The following MECOM variants were observed in gnomAD, a reference collection of about 807,000 sequenced individuals.
MECOM encodes histone-lysine N-methyltransferase MECOM.
In MECOM, 13 loss-of-function variants were observed where a neutral mutation model predicts 116.3. The observed-to-expected ratio is 0.11, with a 90% CI of 0.07 to 0.18. The LOEUF (loss-of-function observed/expected upper bound fraction) is 0.18. Among genes scored for constraint, MECOM ranks in the 10% least tolerant of loss-of-function variants. The pLI, the probability that MECOM is intolerant of heterozygous loss-of-function variation, is 1.00. For missense variants in MECOM, 1,299 were observed against 1,509.0 expected (o/e 0.86, Z 2.31); for synonymous variants, 528 against 535.2 (o/e 0.99, Z 0.19).
chr3:169,479,314 C>A (rs1474080473), intron 1 of MECOM, among the ~76,000 whole-genome samples: 3 of 150,606 alleles, frequency 2.0e-5, no homozygotes, highest in African/African-American at 7.4e-5. Context: ...AGATGAGCAG[C>A]AACAAGAAGG....
chr3:169,591,293 TTA>T (rs1272448874), intron 1 of MECOM, among the ~76,000 whole-genome samples: 2 of 152,186 alleles, frequency 1.3e-5, no homozygotes, highest in Middle Eastern at 3.2e-3. Flanking sequence ...GTAGTAAACT[TTA>T]TATTACTCCT....
chr3:169,522,423 C>T (rs1207015716), intron 1 of MECOM, among the ~76,000 whole-genome samples: 1 of 152,052 alleles, frequency 6.6e-6, no homozygotes, highest in African/African-American at 2.4e-5. Flanking sequence ...CAGTCTATAT[C>T]AGACCCATTA....
chr3:169,548,560 G>A (rs1165759023), intron 1 of MECOM, among the ~76,000 whole-genome samples: 1 of 152,194 alleles, frequency 6.6e-6, no homozygotes, highest in Non-Finnish European at 1.5e-5. Context: ...TAAACCTCCT[G>A]CAACATCTTC....
chr3:169,528,957 A>C (rs1758269880), intron 1 of MECOM, among the ~76,000 whole-genome samples: 1 of 152,250 alleles, frequency 6.6e-6, no homozygotes, highest in Admixed American at 6.5e-5. Flanking sequence ...CTCTTAAATA[A>C]ACAAAAACAC....
chr3:169,509,923 C>A (rs1256690149), intron 1 of MECOM, among the ~76,000 whole-genome samples: 1 of 152,236 alleles, frequency 6.6e-6, no homozygotes, highest in African/African-American at 2.4e-5. Context: ...CAGGCTTACG[C>A]ATCTCTTGAC....
intron 2 of MECOM, among the ~76,000 whole-genome samples, chr3:169,318,047 T>G (rs1720074870): frequency 6.6e-6 from 1 of 152,088 alleles, no homozygotes; most frequent in Non-Finnish European, 1.5e-5. Flanking sequence ...TAATAAATGG[T>G]GCTGGGAAAA....
Position 169,096,965 on chromosome 3 carries a change from GTTT to G in MECOM, c.2850-1723_2850-1721del, listed in dbSNP as rs10577272. Reference sequence around the variant, plus strand: ...TGGTAGTTGTAATATTTTAGCCCCAGTTTTTTTTTTTTTTAAATGCGTATAAAG... The same window carrying G: ...TGGTAGTTGTAATATTTTAGCCCCAGTTTTTTTTTTTAAATGCGTATAAAG... On this transcript the variant is annotated intron_variant, in intron 12 of 16. Coordinates refer to ENST00000651503, the MANE Select transcript of MECOM (RefSeq NM_004991.4). Among the ~76,000 whole-genome samples, 954 of 132,622 alleles carry G rather than the reference GTTT, an allele frequency of 7.2e-3. 8 individuals are homozygous for G. Among genetic ancestry groups the G allele is most frequent in the African/African-American group, 0.022 (826 of 38,128 alleles). 87.0% of individuals were successfully genotyped at this position (132,622 alleles called of 152,430 possible).
At chr3:169,419,136 C>T (rs184770599) in intron 1 of MECOM, among the ~76,000 whole-genome samples, 141 of 152,294 alleles carry the variant, frequency 9.3e-4, no homozygotes, top group African/African-American at 2.9e-3. Context: ...GAGTGAATGT[C>T]ATTCATAATT....
intron 2 of MECOM, among the ~76,000 whole-genome samples, chr3:169,312,921 C>T (rs1048234998): frequency 6.6e-6 from 1 of 151,928 alleles, no homozygotes; most frequent in Non-Finnish European, 1.5e-5. Flanking sequence ...TTTGAAACTG[C>T]GACATTGGAA....
intron 1 of MECOM, among the ~76,000 whole-genome samples, chr3:169,580,305 A>AT (rs1300728374): frequency 6.6e-6 from 1 of 152,034 alleles, no homozygotes; most frequent in African/African-American, 2.4e-5. Context: ...GATTTCTGAG[A>AT]TTTTGGTGGA....
chr3:169,540,043 C>T (rs965679507), intron 1 of MECOM, among the ~76,000 whole-genome samples: 2 of 152,146 alleles, frequency 1.3e-5, no homozygotes, highest in African/African-American at 4.8e-5. Flanking sequence ...GACTTCCGTC[C>T]TTATCACACT....
chr3:169,363,399 A>G (rs1018664781), intron 2 of MECOM, among the ~76,000 whole-genome samples: 2 of 151,946 alleles, frequency 1.3e-5, no homozygotes, highest in African/African-American at 2.4e-5. Flanking sequence ...ACTTAACTCC[A>G]TCGGCCAACA....
chr3:169,650,546 T>C, intron 1 of MECOM, among the ~76,000 whole-genome samples: 1 of 152,180 alleles, frequency 6.6e-6, no homozygotes, highest in East Asian at 1.9e-4. Flanking sequence ...AGACCTGGAA[T>C]AATCCTGTAA....
At chr3:169,273,105 A>C (rs1759148318) in intron 2 of MECOM, among the ~76,000 whole-genome samples, 1 of 152,162 alleles carries the variant, frequency 6.6e-6, no homozygotes, top group Non-Finnish European at 1.5e-5. Context: ...CAAGAGGAAG[A>C]GGAATGCATG....
At chr3:169,313,484 T>C (rs773467538) in intron 2 of MECOM, among the ~76,000 whole-genome samples, 3 of 152,142 alleles carry the variant, frequency 2.0e-5, no homozygotes, top group Non-Finnish European at 4.4e-5. Context: ...CTGAAGGATG[T>C]CTGCAGGAGG....
intron 1 of MECOM, among the ~76,000 whole-genome samples, chr3:169,514,635 G>C (rs1756401303): frequency 6.6e-6 from 1 of 152,200 alleles, no homozygotes; most frequent in Non-Finnish European, 1.5e-5. Flanking sequence ...AACAGTGCTA[G>C]ATTTGATTGT....
At position 169,594,063 on chromosome 3, in the gene MECOM, G is replaced by C. The variant is rs557351868; in HGVS notation, c.37+69273C>G. Among the ~76,000 whole-genome samples the C allele has an allele frequency of 6.7e-5, 10 of 149,826 alleles. No individual in the cohort carries two copies. The East Asian group carries it at 2.0e-3, about 30-fold the overall frequency. ...TTGGACCCAGGAGGCAGAGGTTGCAGTGAGCCGAGATTGCACCACTGCACT... is the reference window on the plus strand; with the variant it reads ...TTGGACCCAGGAGGCAGAGGTTGCACTGAGCCGAGATTGCACCACTGCACT... On this transcript the variant is annotated intron_variant, in intron 1 of 16. Coordinates refer to ENST00000651503, the MANE Select transcript of MECOM (RefSeq NM_004991.4).
intron 1 of MECOM, among the ~76,000 whole-genome samples, chr3:169,458,979 T>C (rs1746983293): frequency 6.6e-6 from 1 of 152,186 alleles, no homozygotes; most frequent in Non-Finnish European, 1.5e-5. Flanking sequence ...GCGCAGCATT[T>C]AAACATGTCT....
At chr3:169,158,234 C>T (rs892071994) in intron 2 of MECOM, among the ~76,000 whole-genome samples, 2 of 152,010 alleles carry the variant, frequency 1.3e-5, no homozygotes, top group Non-Finnish European at 2.9e-5. Context: ...TATCATTGTC[C>T]GTATATAATC....
Sources: allele counts gnomAD v4.1 joint callset (sites outside exome capture counted in the v4.1 genomes callset), GRCh38; gene constraint gnomAD v4.1.1; transcripts MANE v1.5; gene names NCBI Gene and HGNC (gene_info 2026-07-23, HGNC 2026-07-21).